The following CAMTA1 variants were observed in gnomAD, a reference collection of about 807,000 sequenced individuals.
CAMTA1 encodes the protein calmodulin-binding transcription activator 1.
CAMTA1 carries 27 observed loss-of-function variants against 170.9 expected under a neutral mutation model. That is an observed-to-expected ratio of 0.16 (90% confidence interval 0.12 to 0.22). The LOEUF is 0.22. Ranked by LOEUF, CAMTA1 falls within the 10% of genes least tolerant of loss-of-function variation. The pLI is 1.00. For missense variants in CAMTA1, 1,619 were observed against 2,217.2 expected (o/e 0.73, Z 5.42); for synonymous variants, 833 against 891.5 (o/e 0.93, Z 1.17).
rs2096181508 is a variant in CAMTA1 at position 7,680,508 on chromosome 1, C to A, written c.2914+2775C>A. Among the ~76,000 whole-genome samples, 2 of 151,174 alleles carry A rather than the reference C, an allele frequency of 1.3e-5. No homozygotes were observed. Among genetic ancestry groups the A allele is most frequent in the African/African-American group, 2.4e-5 (1 of 41,190 alleles). ...CGCAGCCGCAATGCGGGGCCCTTCGCGGAACTGCTGGCGGCGCCGCGCCCC... is the reference window on the plus strand; with the variant it reads ...CGCAGCCGCAATGCGGGGCCCTTCGAGGAACTGCTGGCGGCGCCGCGCCCC... On this transcript the variant is annotated intron_variant, in intron 11 of 22. Transcript: ENST00000303635. The surrounding 1 kb of genome is among the most constrained non-coding windows in gnomAD (Gnocchi z 4.4).
intron 3 of CAMTA1, among the ~76,000 whole-genome samples, chr1:6,902,074 A>AC (rs1553180447): frequency 0.065 from 4,908 of 75,456 alleles, 91 homozygotes; most frequent in African/African-American, 0.088. Context: ...CACACACACA[A>AC]AAAAAAAAAT....
rs991960893 is a variant in CAMTA1 at position 7,192,844 on chromosome 1, G to A, written c.303-56647G>A. On this transcript the variant is annotated intron_variant, in intron 4 of 22. Coordinates refer to ENST00000303635, the MANE Select transcript of CAMTA1 (RefSeq NM_015215.4). ...AATGCAGCGTCACCGGAAGGAAAAG[G>A]AAAGAAGGAGAACTGGAGGATGATC... 3.5e-4 allele frequency among the ~76,000 whole-genome samples: 54 copies of A among 152,208 alleles called. 1 individual carries two copies. Among genetic ancestry groups the A allele is most frequent in the Admixed American group, 3.5e-3 (54 of 15,286 alleles).
intron 11 of CAMTA1, among the ~76,000 whole-genome samples, chr1:7,713,188 C>G (rs1465605655): frequency 6.6e-6 from 1 of 152,162 alleles, no homozygotes; most frequent in Non-Finnish European, 1.5e-5. Context: ...AGTGGGGAGA[C>G]ATTGGGTCAA....
chr1:7,605,191 A>G (rs1459601822), intron 6 of CAMTA1, among the ~76,000 whole-genome samples: 2 of 152,180 alleles, frequency 1.3e-5, no homozygotes, highest in Non-Finnish European at 2.9e-5. Flanking sequence ...TGATGGGGGA[A>G]CCACTACTCT....
chr1:7,355,713 T>C (rs904386674), intron 5 of CAMTA1, among the ~76,000 whole-genome samples: 3 of 152,196 alleles, frequency 2.0e-5, no homozygotes, highest in African/African-American at 7.2e-5. Flanking sequence ...TGGAGTAAAA[T>C]CTAAACCCCT....
At chr1:7,624,579 G>T (rs2095620830) in intron 6 of CAMTA1, among the ~76,000 whole-genome samples, 1 of 152,188 alleles carries the variant, frequency 6.6e-6, no homozygotes, top group Non-Finnish European at 1.5e-5. Flanking sequence ...GTGGGTGGTG[G>T]GTGTGCTGGC....
chr1:6,867,324 C>T (rs369809228), intron 3 of CAMTA1, among the ~76,000 whole-genome samples: 14 of 151,884 alleles, frequency 9.2e-5, no homozygotes, highest in East Asian at 3.9e-4. Context: ...TTGTAGTTTT[C>T]GCTTTTTTTT....
At chr1:7,584,301 A>AG (rs1258443794) in intron 6 of CAMTA1, among the ~76,000 whole-genome samples, 4 of 151,954 alleles carry the variant, frequency 2.6e-5, no homozygotes, top group African/African-American at 9.7e-5. Context: ...AGGGGGCATC[A>AG]GGGGACGGAA....
chr1:7,516,974 G>A lies in CAMTA1; in HGVS notation c.510+49073G>A, dbSNP rs550989481. ...AAAAGGTAGAATGGTAATAAAAATCGTGTGAAATCCCACCTTCCAAAGATA... is the reference window on the plus strand; with the variant it reads ...AAAAGGTAGAATGGTAATAAAAATCATGTGAAATCCCACCTTCCAAAGATA... On this transcript the variant is annotated intron_variant, in intron 6 of 22. Transcript: ENST00000303635. Among the ~76,000 whole-genome samples, 12 of 152,076 alleles carry A rather than the reference G, an allele frequency of 7.9e-5. No homozygotes were observed. In the East Asian group the frequency reaches 1.6e-3, roughly 20 times the overall value.
At chr1:7,719,974 T>G (rs966091778) in intron 11 of CAMTA1, among the ~76,000 whole-genome samples, 2 of 152,344 alleles carry the variant, frequency 1.3e-5, no homozygotes, top group Admixed American at 6.5e-5. Context: ...AAATAACGTG[T>G]TTTAAAATAG....
chr1:6,794,339 C>T (rs1341339407), intron 1 of CAMTA1, among the ~76,000 whole-genome samples: 2 of 152,078 alleles, frequency 1.3e-5, no homozygotes, highest in Non-Finnish European at 2.9e-5. Context: ...TGCGAATCCA[C>T]AAGGGGGTAG....
At chr1:6,888,584 G>A (rs774639710) in intron 3 of CAMTA1, among the ~76,000 whole-genome samples, 1 of 152,200 alleles carries the variant, frequency 6.6e-6, no homozygotes, top group Non-Finnish European at 1.5e-5. Flanking sequence ...GTTATTTAAG[G>A]TAAATTTTGG....
chr1:6,953,871 G>A (rs1274360088), intron 3 of CAMTA1, among the ~76,000 whole-genome samples: 3 of 152,016 alleles, frequency 2.0e-5, no homozygotes, highest in Non-Finnish European at 4.4e-5. Context: ...TCCGTGAAAC[G>A]ACGGGTTTGC....
intron 6 of CAMTA1, among the ~76,000 whole-genome samples, chr1:7,639,203 T>A (rs1157390561): frequency 1.3e-5 from 2 of 152,146 alleles, no homozygotes; most frequent in African/African-American, 4.8e-5. Context: ...ATGGTCTCGA[T>A]CTTCTGACCT....
chr1:7,474,298 C>G (rs1010203627), intron 6 of CAMTA1, among the ~76,000 whole-genome samples: 3 of 137,030 alleles, frequency 2.2e-5, no homozygotes, highest in Non-Finnish European at 4.9e-5. Context: ...TAAAATGGAG[C>G]CAACAGCAAA....
chr1:7,020,619 G>T (rs1390496684), intron 3 of CAMTA1, among the ~76,000 whole-genome samples: 1 of 152,194 alleles, frequency 6.6e-6, no homozygotes, highest in East Asian at 1.9e-4. Flanking sequence ...TAGGCTGAGG[G>T]CTCATGCCCC....
chr1:6,791,810 C>T lies in CAMTA1; in HGVS notation c.45+6235C>T, dbSNP rs74050991. Among the ~76,000 whole-genome samples, 411 of 152,096 alleles carry T rather than the reference C, an allele frequency of 2.7e-3. 1 individual carries two copies. The highest frequency in any genetic ancestry group is 9.2e-3 in the African/African-American group (383 of 41,472). ...ATCAGGTTCGAGCTAGAGGTTGATC[C>T]GACTATCATATCCTTTTATTTTGTG... On this transcript the variant is annotated intron_variant, in intron 1 of 22. Transcript: ENST00000303635.
At chr1:6,906,914 A>C (rs2149249176) in intron 3 of CAMTA1, among the ~76,000 whole-genome samples, 1 of 152,224 alleles carries the variant, frequency 6.6e-6, no homozygotes, top group East Asian at 1.9e-4. Flanking sequence ...CCATGTGGGC[A>C]ACTAAGGAGA....
chr1:7,157,934 C>T (rs1487796851), intron 4 of CAMTA1, among the ~76,000 whole-genome samples: 4 of 152,004 alleles, frequency 2.6e-5, no homozygotes, highest in East Asian at 1.9e-4. Flanking sequence ...CCGAGGAGGG[C>T]GGATCACGAG....
Sources: allele counts gnomAD v4.1 joint callset (sites outside exome capture counted in the v4.1 genomes callset), GRCh38; gene constraint gnomAD v4.1.1; non-coding constraint Gnocchi (gnomAD v3.1); transcripts MANE v1.5; gene names NCBI Gene and HGNC (gene_info 2026-07-23, HGNC 2026-07-21).